The following GRB2 variants were observed in gnomAD, a reference collection of about 807,000 sequenced individuals.
GRB2 encodes growth factor receptor bound protein 2.
A neutral mutation model predicts 27.4 loss-of-function variants in GRB2; 2 were observed. That is an observed-to-expected ratio of 0.07 (90% CI 0.03 to 0.23). The LOEUF (loss-of-function observed/expected upper bound fraction) is 0.23, where lower values mean the gene tolerates loss of function less well. Ranked by LOEUF, GRB2 falls within the 10% of genes least tolerant of loss-of-function variation. The pLI, the probability that GRB2 is intolerant of heterozygous loss-of-function variation, is 1.00. For synonymous variants in GRB2, 94 were observed against 99.6 expected (o/e 0.94, Z 0.33); for missense variants, 102 against 282.4 (o/e 0.36, Z 4.58).
intron 4 of GRB2, among the ~76,000 whole-genome samples, chr17:75,322,655 A>G (rs1423300327): frequency 6.6e-6 from 1 of 152,198 alleles, no homozygotes; most frequent in Non-Finnish European, 1.5e-5. Context: ...CCCAGACTTC[A>G]AAACCCAAAA....
rs112792873 is a variant in GRB2, at chr17:75,374,605, TCA to T, written c.78+18944_78+18945del. On this transcript the variant is annotated intron_variant, in intron 2 of 5. Transcript: ENST00000316804. ...CGAGTGTGGTGGCACATGCCTGTAG[TCA>T]CACACACACACACACACAAACACAC... Among the ~76,000 whole-genome samples, 782 of 146,554 alleles carry T rather than the reference TCA, an allele frequency of 5.3e-3. 8 individuals carry two copies. Among genetic ancestry groups the T allele is most frequent in the African/African-American group, 0.016 (653 of 39,996 alleles).
chr17:75,356,767 C>A (rs572756964), intron 2 of GRB2, among the ~76,000 whole-genome samples: 3 of 152,162 alleles, frequency 2.0e-5, no homozygotes, highest in Non-Finnish European at 4.4e-5. Flanking sequence ...CAGGGCAAAA[C>A]AGAAGTGATC....
intron 1 of GRB2, among the ~76,000 whole-genome samples, chr17:75,399,757 T>C (rs9906793): frequency 0.67 from 101,377 of 151,576 alleles, 38,978 homozygotes; most frequent in East Asian, 0.96. Context: ...GCAAGCTCCG[T>C]CTCCCAGGTT....
intron 4 of GRB2, among the ~76,000 whole-genome samples, chr17:75,324,545 GT>G (rs2078486013): frequency 1.0e-5 from 1 of 95,566 alleles, no homozygotes; most frequent in Non-Finnish European, 1.9e-5. Context: ...TGGAGACAGA[GT>G]TTTGCTCTTC....
At position 75,320,550 on chromosome 17, in the gene GRB2, G is replaced by A. The variant is rs1275609833; in HGVS notation, c.472C>T (p.Pro158Ser). 3.6e-5 allele frequency: 58 copies of A among 1,610,854 alleles called. No individual in the cohort carries two copies. The highest frequency in any genetic ancestry group is 4.8e-5 in the Non-Finnish European group (56 of 1,177,340). Residue 158 changes from proline to serine, a missense_variant, in exon 6 of 6, where the codon CCG becomes TCG. By Grantham distance (74) the Pro-to-Ser change is moderately conservative. Around this residue, in one of 3 missense-constraint regions of GRB2, gnomAD observed 57 missense variants for 152.9 expected, o/e 0.37. Transcript: ENST00000316804. This position sits in a 1 kb window ranked among gnomAD's most constrained non-coding sequence, Gnocchi z 4.3. ...TCAAAGAGGGCCTGGACGTATGTCG[G>A]CTGCTGCAAAACAGGAGCAGGAAAA... ...LRDIEQVPQQ[P>S]TYVQALFDFD...
intron 2 of GRB2, among the ~76,000 whole-genome samples, chr17:75,362,028 GA>G (rs2078785550): frequency 6.6e-6 from 1 of 152,078 alleles, no homozygotes; most frequent in African/African-American, 2.4e-5. Context: ...TTAAGTGTCA[GA>G]ACCACATACA....
intron 2 of GRB2, among the ~76,000 whole-genome samples, chr17:75,352,693 C>G (rs1308603499): frequency 6.6e-6 from 1 of 152,110 alleles, no homozygotes; most frequent in Non-Finnish European, 1.5e-5. Flanking sequence ...TATCACTCAG[C>G]CTTTATGATC....
intron 2 of GRB2, chr17:75,371,881 T>C (rs1447605712): frequency 1.3e-5 from 2 of 152,170 alleles, no homozygotes; most frequent in East Asian, 1.9e-4. Context: ...AATGGAACAC[T>C]GTAGAGCTTT....
intron 2 of GRB2, among the ~76,000 whole-genome samples, chr17:75,389,028 G>A (rs1208453031): frequency 3.9e-5 from 6 of 152,012 alleles, no homozygotes; most frequent in South Asian, 2.1e-4. Context: ...CACACAACCC[G>A]ATTACTTGCC....
intron 3 of GRB2, among the ~76,000 whole-genome samples, chr17:75,330,043 GGCTTGCT>G (rs1269271981): frequency 6.6e-6 from 1 of 152,012 alleles, no homozygotes; most frequent in Non-Finnish European, 1.5e-5. Flanking sequence ...GCGTGATCTT[GGCTTGCT>G]GCAAGCTCTA....
At position 75,321,882 on chromosome 17, in the gene GRB2, G is replaced by A. The variant is rs150147500; in HGVS notation, c.300-55C>T. ...GCTAAAGGCTCTAACTTGGCAAATC[G>A]AGGGTATTTCCATATAGGAGCTATC... On this transcript the variant is annotated intron_variant, in intron 4 of 5. Coordinates refer to ENST00000316804, the MANE Select transcript of GRB2 (RefSeq NM_002086.5). 1.3e-4 allele frequency: 204 copies of A among 1,562,634 alleles called. 1 individual carries two copies. The African/African-American group carries it at 2.5e-3, about 19-fold the overall frequency.
intron 2 of GRB2, among the ~76,000 whole-genome samples, chr17:75,336,184 T>C (rs543035281): frequency 1.3e-5 from 2 of 152,302 alleles, no homozygotes; most frequent in Admixed American, 1.3e-4. Flanking sequence ...ATAGTAATAA[T>C]AAAAACCCCA....
chr17:75,323,020 G>A (rs1055182976), intron 4 of GRB2, among the ~76,000 whole-genome samples: 3 of 151,742 alleles, frequency 2.0e-5, no homozygotes, highest in Admixed American at 2.0e-4. Context: ...TCGGGAGGCT[G>A]AGGCAGGAGA....
chr17:75,351,893 C>T (rs140843192), intron 2 of GRB2, among the ~76,000 whole-genome samples: 128 of 152,292 alleles, frequency 8.4e-4, no homozygotes, highest in African/African-American at 3.0e-3. Flanking sequence ...CACTCTGACA[C>T]ATTTTATTCA....
intron 4 of GRB2, 58 bp from the exon 5 acceptor site, chr17:75,321,885 G>T: frequency 1.9e-6 from 3 of 1,548,432 alleles, no homozygotes; most frequent in Non-Finnish European, 1.8e-6. Context: ...GCAAATCGAG[G>T]GTATTTCCAT....
chr17:75,323,142 A>G (rs1332278238), intron 4 of GRB2, among the ~76,000 whole-genome samples: 1 of 148,204 alleles, frequency 6.7e-6, no homozygotes, highest in Non-Finnish European at 1.5e-5. Context: ...AAAAAAAAAA[A>G]GGCATTCTCT....
intron 2 of GRB2, among the ~76,000 whole-genome samples, chr17:75,338,530 C>T (rs1296218681): frequency 6.6e-6 from 1 of 152,182 alleles, no homozygotes; most frequent in Non-Finnish European, 1.5e-5. Flanking sequence ...AGCTATTACC[C>T]CACAGCTGCA....
At position 75,353,868 on chromosome 17, in the gene GRB2, G is replaced by A. The variant is rs143493783; in HGVS notation, c.79-21071C>T. Among the ~76,000 whole-genome samples the A allele has an allele frequency of 1.8e-3, 265 of 151,386 alleles. 1 individual carries two copies. The highest frequency in any genetic ancestry group is 5.2e-3 in the African/African-American group (213 of 41,266). On this transcript the variant is annotated intron_variant, in intron 2 of 5. Coordinates refer to ENST00000316804, the MANE Select transcript of GRB2 (RefSeq NM_002086.5). ...AGCCTGGCCAACATGGAGAAACTCCGTCTCTACTAAAAATACAAAAAATTA... is the reference window on the plus strand; with the variant it reads ...AGCCTGGCCAACATGGAGAAACTCCATCTCTACTAAAAATACAAAAAATTA...
chr17:75,388,227 G>C (rs991875682), intron 2 of GRB2, among the ~76,000 whole-genome samples: 1 of 151,934 alleles, frequency 6.6e-6, no homozygotes, highest in Non-Finnish European at 1.5e-5. Context: ...CTCCCGAGTA[G>C]CTGGGATTAC....
Sources: allele counts gnomAD v4.1 joint callset (sites outside exome capture counted in the v4.1 genomes callset), GRCh38; gene constraint gnomAD v4.1.1; regional missense constraint gnomAD v4.1.1; non-coding constraint Gnocchi (gnomAD v3.1); transcripts MANE v1.5; gene names NCBI Gene and HGNC (gene_info 2026-07-23, HGNC 2026-07-21).